Variants in ANXA8 observed in about 807,000 individuals in gnomAD.
ANXA8 encodes VAC-beta.
Under a neutral mutation model 26.8 loss-of-function variants are expected in ANXA8, and 9 were observed. The observed-to-expected ratio is 0.34, with a 90% CI of 0.20 to 0.59. ANXA8 has a LOEUF of 0.59. ANXA8 is among the 20% of genes least tolerant of loss of function. The pLI is 0.84. For missense variants in ANXA8, 83 were observed against 238.5 expected (o/e 0.35, Z 4.29); for synonymous variants, 39 against 94.8 (o/e 0.41, Z 3.42).
chr10:47,947,942 G>A, the ANXA8 span, among the ~76,000 whole-genome samples: 5 of 150,954 alleles, frequency 3.3e-5, no homozygotes, highest in Non-Finnish European at 2.9e-5. Flanking sequence ...AGCTCATGTG[G>A]GACATGGGGG....
chr10:47,717,607 C>A, the ANXA8 span, among the ~76,000 whole-genome samples: 11 of 131,100 alleles, frequency 8.4e-5, 1 homozygote, highest in Non-Finnish European at 4.7e-5. Flanking sequence ...AAAGCAAAGT[C>A]CACATTCAGC....
chr10:47,732,917 A>G, the ANXA8 span, among the ~76,000 whole-genome samples: 3 of 148,724 alleles, frequency 2.0e-5, no homozygotes, highest in South Asian at 2.2e-4. Flanking sequence ...ACAAAATTAT[A>G]TCAGCGCCAG....
the ANXA8 span, among the ~76,000 whole-genome samples, chr10:47,704,988 G>C: frequency 6.6e-6 from 1 of 152,080 alleles, no homozygotes; most frequent in Non-Finnish European, 1.5e-5. Context: ...AAGATTTCAA[G>C]GGCGCAGTGG....
chr10:47,676,580 C>G, the ANXA8 span, among the ~76,000 whole-genome samples: 1 of 151,794 alleles, frequency 6.6e-6, no homozygotes, highest in East Asian at 1.9e-4. Context: ...TGCTTGAACC[C>G]AGGAGTTTGA....
chr10:47,597,267 TAAG>T, the ANXA8 span, among the ~76,000 whole-genome samples: 2 of 149,054 alleles, frequency 1.3e-5, no homozygotes, highest in Non-Finnish European at 3.0e-5. Flanking sequence ...CCTAAAATAA[TAAG>T]AACCATCTAT....
chr10:47,956,715 T>C, the ANXA8 span, among the ~76,000 whole-genome samples: 1 of 150,548 alleles, frequency 6.6e-6, no homozygotes. Context: ...CACTGTAGGG[T>C]AGGGCTTCAA....
the ANXA8 span, chr10:47,692,619 G>GGCT: frequency 9.1e-6 from 1 of 110,462 alleles, no homozygotes; most frequent in Non-Finnish European, 1.9e-5. Flanking sequence ...GGCAAGCTTA[G>GGCT]TGCAAACACC....
intron 11 of ANXA8, among the ~76,000 whole-genome samples, chr10:47,470,246 G>T (rs1336301422): frequency 6.6e-6 from 1 of 151,220 alleles, no homozygotes; most frequent in African/African-American, 2.5e-5. Flanking sequence ...AAAAAGAAAC[G>T]TTTGGTCAAT....
At chr10:47,727,107 G>A in the ANXA8 span, among the ~76,000 whole-genome samples, 1 of 152,308 alleles carries the variant, frequency 6.6e-6, no homozygotes, top group Non-Finnish European at 1.5e-5. Flanking sequence ...ATAAGCCTAT[G>A]TAAGTTAGAA....
the ANXA8 span, among the ~76,000 whole-genome samples, chr10:47,508,061 AT>A: frequency 2.2e-5 from 3 of 133,718 alleles, no homozygotes; most frequent in African/African-American, 5.4e-5. Context: ...TGCCCAGATA[AT>A]TTTTTTTTTG....
the ANXA8 span, among the ~76,000 whole-genome samples, chr10:47,645,151 T>C: frequency 0.062 from 9,273 of 149,400 alleles, 581 homozygotes; most frequent in African/African-American, 0.22. Context: ...TAATTAACAC[T>C]AGATTTAGAG....
chr10:47,976,567 A>ACACG, the ANXA8 span, among the ~76,000 whole-genome samples: 4 of 146,780 alleles, frequency 2.7e-5, no homozygotes, highest in South Asian at 2.2e-4. Flanking sequence ...ACACACACAC[A>ACACG]CACACAATTA....
chr10:47,552,201 A>C, the ANXA8 span, among the ~76,000 whole-genome samples: 7 of 151,928 alleles, frequency 4.6e-5, no homozygotes, highest in Admixed American at 2.0e-4. Context: ...TCAAGTGTCA[A>C]CATCACCAGT....
At chr10:47,778,786 A>G in the ANXA8 span, among the ~76,000 whole-genome samples, 9 of 151,850 alleles carry the variant, frequency 5.9e-5, no homozygotes, top group African/African-American at 2.2e-4. Flanking sequence ...AGCACTGTAC[A>G]GCATAATTCA....
At chr10:47,681,400 T>G in the ANXA8 span, among the ~76,000 whole-genome samples, 1 of 150,716 alleles carries the variant, frequency 6.6e-6, no homozygotes, top group Non-Finnish European at 1.5e-5. Flanking sequence ...TTTGTTTTGT[T>G]TTTCATCTTT....
the ANXA8 span, among the ~76,000 whole-genome samples, chr10:47,611,514 A>G: frequency 6.9e-6 from 1 of 144,182 alleles, no homozygotes; most frequent in Non-Finnish European, 1.5e-5. Context: ...AATACCCTAC[A>G]ATATAATCAA....
chr10:47,763,852 T>G, the ANXA8 span, among the ~76,000 whole-genome samples: 1 of 151,276 alleles, frequency 6.6e-6, no homozygotes, highest in Non-Finnish European at 1.5e-5. Flanking sequence ...CTTCTCGTTT[T>G]ACAGCCTTGA....
At chr10:47,949,344 C>T in the ANXA8 span, among the ~76,000 whole-genome samples, 1 of 149,392 alleles carries the variant, frequency 6.7e-6, no homozygotes, top group Non-Finnish European at 1.5e-5. Flanking sequence ...CCTAATCAAC[C>T]CCTTATAAGA....
the ANXA8 span, among the ~76,000 whole-genome samples, chr10:47,621,793 T>C: frequency 1.8e-5 from 2 of 108,658 alleles, 1 homozygote; most frequent in South Asian, 6.2e-4. Context: ...TGCCAGTCTC[T>C]CTAGATCCAA....
Sources: gnomAD v4.1 joint callset for allele counts (sites outside exome capture counted in the v4.1 genomes callset) on GRCh38, gnomAD v4.1.1 for gene constraint, MANE v1.5 for transcripts, NCBI Gene and HGNC (gene_info 2026-07-23, HGNC 2026-07-21) for gene names.